Variants in PRKG1 observed in about 807,000 individuals in gnomAD.
PRKG1 encodes cGMP-dependent protein kinase 1.
Under a neutral mutation model 88.1 loss-of-function variants are expected in PRKG1, and 35 were observed. That is an observed-to-expected ratio of 0.40 (90% confidence interval 0.30 to 0.53). PRKG1 has a LOEUF of 0.53. Among genes scored for constraint, PRKG1 ranks in the 20% least tolerant of loss-of-function variants. The pLI is 0.59. For synonymous variants in PRKG1, 303 were observed against 292.5 expected (o/e 1.04, Z -0.37); for missense variants, 540 against 839.8 (o/e 0.64, Z 4.41).
At chr10:51,743,978 G>A (rs542327360) in intron 3 of PRKG1, among the ~76,000 whole-genome samples, 42 of 151,406 alleles carry the variant, frequency 2.8e-4, no homozygotes, top group Non-Finnish European at 5.9e-4. Flanking sequence ...AACTAATTCA[G>A]TACTTTTATA....
intron 2 of PRKG1, among the ~76,000 whole-genome samples, chr10:51,287,340 G>C (rs1840468586): frequency 6.6e-6 from 1 of 152,172 alleles, no homozygotes; most frequent in African/African-American, 2.4e-5. Flanking sequence ...TGGCTTCAGA[G>C]AATATGGGAA....
At chr10:51,057,938 C>T (rs1237440901) in intron 1 of PRKG1, among the ~76,000 whole-genome samples, 4 of 152,032 alleles carry the variant, frequency 2.6e-5, no homozygotes, top group Non-Finnish European at 4.4e-5. Context: ...ACGTTGCCAC[C>T]TAAATTTTCC....
At chr10:51,574,383 T>C (rs1837833557) in intron 3 of PRKG1, among the ~76,000 whole-genome samples, 1 of 151,954 alleles carries the variant, frequency 6.6e-6, no homozygotes, top group South Asian at 2.1e-4. Flanking sequence ...TTTCTGGTTA[T>C]CATTTTAAAA....
intron 9 of PRKG1, chr10:52,230,720 C>T (rs1840500494): frequency 6.6e-6 from 1 of 152,154 alleles, no homozygotes; most frequent in Non-Finnish European, 1.5e-5. Flanking sequence ...TTATAGAAAA[C>T]AAGTATATTT....
intron 3 of PRKG1, among the ~76,000 whole-genome samples, chr10:51,616,994 G>A (rs1487488150): frequency 2.0e-5 from 3 of 152,142 alleles, no homozygotes; most frequent in African/African-American, 7.2e-5. Flanking sequence ...GCTCTAAAAT[G>A]GTGCCTTGGT....
intron 4 of PRKG1, among the ~76,000 whole-genome samples, chr10:51,833,022 G>T (rs1395070000): frequency 6.6e-6 from 1 of 152,092 alleles, no homozygotes; most frequent in African/African-American, 2.4e-5. Flanking sequence ...AATCTAGGGA[G>T]GTTTTAAGCA....
intron 3 of PRKG1, among the ~76,000 whole-genome samples, chr10:51,713,091 G>A (rs759511274): frequency 6.6e-6 from 1 of 152,092 alleles, no homozygotes; most frequent in Non-Finnish European, 1.5e-5. Flanking sequence ...TTTCATTAAG[G>A]AAAATCATTA....
chr10:52,035,042 C>T (rs947553653), intron 5 of PRKG1, among the ~76,000 whole-genome samples: 31 of 152,144 alleles, frequency 2.0e-4, no homozygotes, highest in Admixed American at 1.8e-3. Flanking sequence ...TCACTGAATA[C>T]TAAGAGCCTG....
intron 3 of PRKG1, among the ~76,000 whole-genome samples, chr10:51,590,774 C>T (rs1053682131): frequency 2.0e-5 from 3 of 151,790 alleles, no homozygotes; most frequent in Non-Finnish European, 2.9e-5. Context: ...CTAGGCTTTG[C>T]GCTTCTCTTC....
intron 7 of PRKG1, among the ~76,000 whole-genome samples, chr10:52,120,754 G>A (rs998685016): frequency 2.5e-4 from 38 of 152,110 alleles, no homozygotes; most frequent in Admixed American, 3.3e-4. Context: ...GCTTTAGTCC[G>A]CCCTGTCAGT....
chr10:51,138,567 ATTC>A, intron 1 of PRKG1, among the ~76,000 whole-genome samples: 1 of 151,412 alleles, frequency 6.6e-6, no homozygotes, highest in Non-Finnish European at 1.5e-5. Flanking sequence ...ATATTAGTGA[ATTC>A]TTCTTACTAC....
At chr10:51,222,455 G>A (rs947670309) in intron 2 of PRKG1, among the ~76,000 whole-genome samples, 12 of 152,082 alleles carry the variant, frequency 7.9e-5, no homozygotes, top group Non-Finnish European at 1.5e-4. Context: ...TTTCTAATTT[G>A]CCTATGGTCA....
At chr10:51,263,129 G>A (rs563455040) in intron 2 of PRKG1, among the ~76,000 whole-genome samples, 1 of 152,244 alleles carries the variant, frequency 6.6e-6, no homozygotes, top group African/African-American at 2.4e-5. Context: ...TAGGATTGGG[G>A]CTTCCATTGA....
chr10:51,697,570 A>G (rs770329927), intron 3 of PRKG1: 1 of 929,070 alleles, frequency 1.1e-6, no homozygotes, highest in Non-Finnish European at 1.6e-6. Flanking sequence ...AGAACAAAAA[A>G]TAAGATTAGG....
At chr10:51,015,300 A>G (rs952696794) in intron 1 of PRKG1, among the ~76,000 whole-genome samples, 1 of 152,102 alleles carries the variant, frequency 6.6e-6, no homozygotes, top group East Asian at 1.9e-4. Flanking sequence ...ATCTCCAACA[A>G]CTATTTATTT....
intron 5 of PRKG1, among the ~76,000 whole-genome samples, chr10:52,041,956 G>C (rs1845763612): frequency 6.6e-6 from 1 of 151,716 alleles, no homozygotes; most frequent in Non-Finnish European, 1.5e-5. Flanking sequence ...TATAATAATA[G>C]CTTCACACAC....
intron 2 of PRKG1, among the ~76,000 whole-genome samples, chr10:51,437,361 G>A (rs898563293): frequency 4.0e-5 from 6 of 151,846 alleles, no homozygotes; most frequent in Non-Finnish European, 7.4e-5. Flanking sequence ...ATATACACAC[G>A]GGCAAACATC....
rs372730149 is a variant in PRKG1, at chr10:51,386,499, T to C, written c.479-81224T>C. Among the ~76,000 whole-genome samples the C allele has an allele frequency of 4.6e-5, 7 of 152,194 alleles. No individual in the cohort carries two copies. The East Asian group carries it at 9.7e-4, about 21-fold the overall frequency. On this transcript the variant is annotated intron_variant, in intron 2 of 17. Transcript: ENST00000373980. The stretch of plus-strand genomic sequence containing the variant: ...TAGAGGCCCAAGAACAGTGCATGCT[T>C]CATTCCAAGTACAAAGGCTGGAAAA...
At chr10:51,859,314 T>C (rs1474330062) in intron 4 of PRKG1, among the ~76,000 whole-genome samples, 2 of 151,716 alleles carry the variant, frequency 1.3e-5, no homozygotes, top group African/African-American at 2.4e-5. Flanking sequence ...CTCAGGTAAA[T>C]AGTTAAAACT....
Sources: gnomAD v4.1 joint callset for allele counts (sites outside exome capture counted in the v4.1 genomes callset) on GRCh38, gnomAD v4.1.1 for gene constraint, MANE v1.5 for transcripts, NCBI Gene and HGNC (gene_info 2026-07-23, HGNC 2026-07-21) for gene names.